Variants in CPEB1 observed in about 807,000 individuals in gnomAD.
CPEB1 encodes the protein cytoplasmic polyadenylation element-binding protein 1.
CPEB1 carries 7 observed loss-of-function variants against 65.8 expected under a neutral mutation model. The observed-to-expected ratio is 0.11, with a 90% confidence interval of 0.06 to 0.20. The LOEUF (loss-of-function observed/expected upper bound fraction) is 0.20. Ranked by LOEUF, CPEB1 falls within the 10% of genes least tolerant of loss-of-function variation. CPEB1 has a pLI of 1.00. For synonymous variants in CPEB1, 262 were observed against 260.0 expected, an observed-to-expected ratio of 1.01 and a Z score of -0.08; for missense variants, 551 against 712.2, an observed-to-expected ratio of 0.77 and a Z score of 2.58.
At chr15:82,593,060 G>A (rs989570960) in intron 3 of CPEB1, among the ~76,000 whole-genome samples, 1 of 152,158 alleles carries the variant, frequency 6.6e-6, no homozygotes, top group Admixed American at 6.6e-5. Flanking sequence ...CTTATTGCTG[G>A]TGGAGGGGTC....
chr15:82,562,410 C>T (rs1220709189), intron 4 of CPEB1: 4 of 307,970 alleles, frequency 1.3e-5, no homozygotes, highest in Non-Finnish European at 2.6e-5. Context: ...AAAAGATCCC[C>T]AGGAGATGTG....
chr15:82,623,519 T>C (rs1186784792), intron 3 of CPEB1, among the ~76,000 whole-genome samples: 2 of 152,118 alleles, frequency 1.3e-5, no homozygotes, highest in Non-Finnish European at 2.9e-5. Flanking sequence ...TCTCTACTAA[T>C]ACAAAAATTA....
chr15:82,628,247 G>T (rs1255875594), intron 2 of CPEB1, 117 bp downstream of exon 2: 1 of 702,862 alleles, frequency 1.4e-6, no homozygotes, highest in South Asian at 1.5e-5. Flanking sequence ...TGACTTCACA[G>T]ATTTACCACA....
intron 8 of CPEB1, 39 bp from the exon 9 acceptor site, chr15:82,552,655 T>C: frequency 6.2e-7 from 1 of 1,610,322 alleles, no homozygotes; most frequent in Non-Finnish European, 8.5e-7. Flanking sequence ...TAATATCCCT[T>C]AGGTGGCCAC....
intron 3 of CPEB1, among the ~76,000 whole-genome samples, chr15:82,602,623 A>G (rs1451073495): frequency 1.3e-5 from 2 of 152,178 alleles, no homozygotes; most frequent in African/African-American, 4.8e-5. Context: ...AGGCGAATGG[A>G]TCACTTGAGG....
At chr15:82,628,053 C>T in intron 2 of CPEB1, 1 of 612,768 alleles carries the variant, frequency 1.6e-6, no homozygotes, top group Admixed American at 2.9e-5. Flanking sequence ...GCTCATTACA[C>T]ATGCTACTCT....
At chr15:82,620,591 A>C (rs770905545) in intron 3 of CPEB1, among the ~76,000 whole-genome samples, 37 of 152,128 alleles carry the variant, frequency 2.4e-4, no homozygotes, top group African/African-American at 8.5e-4. Context: ...TAAGCCCAAG[A>C]GTCCAAGACC....
At position 82,586,733 on chromosome 15, in the gene CPEB1, G is replaced by T. The variant is rs576521350; in HGVS notation, c.272-15201C>A. Among the ~76,000 whole-genome samples, 4 of 152,292 alleles carry T rather than the reference G, an allele frequency of 2.6e-5. 1 individual carries two copies. Among genetic ancestry groups the T allele is most frequent in the African/African-American group, 9.6e-5 (4 of 41,562 alleles). ...TGGTTTCACAGCTATTCTAAATTTA[G>T]ATTCACACATACAGTGCACATACAC... On this transcript the variant is annotated intron_variant, in intron 3 of 12. Coordinates refer to ENST00000684509, the MANE Select transcript of CPEB1 (RefSeq NM_001365242.1).
At position 82,618,466 on chromosome 15, in the gene CPEB1, T is replaced by C. The variant is rs568199617; in HGVS notation, c.271+8727A>G. Among the ~76,000 whole-genome samples the C allele has an allele frequency of 4.7e-4, 72 of 152,336 alleles. 1 individual carries two copies. The highest frequency in any genetic ancestry group is 1.6e-3 in the African/African-American group (65 of 41,586). On this transcript the variant is annotated intron_variant, in intron 3 of 12. Transcript: ENST00000684509. ...GCAAAATCAGACTTCCTGGTTCCTATAGCAAACTGGCAGTTGCCTAGATCC... is the reference window on the plus strand; with the variant it reads ...GCAAAATCAGACTTCCTGGTTCCTACAGCAAACTGGCAGTTGCCTAGATCC...
At chr15:82,580,319 T>TA (rs370232078) in intron 3 of CPEB1, among the ~76,000 whole-genome samples, 4,074 of 133,450 alleles carry the variant, frequency 0.031, 55 homozygotes, top group Non-Finnish European at 0.038. Flanking sequence ...GACTCTGTCT[T>TA]AAAAAAAAAA....
chr15:82,547,715 C>G (rs1316160877), intron 10 of CPEB1, among the ~76,000 whole-genome samples: 2 of 152,016 alleles, frequency 1.3e-5, no homozygotes, highest in Non-Finnish European at 2.9e-5. Context: ...CTCTGTCACT[C>G]AGGCTGGAGT....
At chr15:82,628,595 A>G (rs2151323706) in intron 1 of CPEB1, 39 bp from the exon 2 acceptor site, 2 of 600,834 alleles carry the variant, frequency 3.3e-6, no homozygotes, top group Admixed American at 6.3e-5. Context: ...TACCACATAG[A>G]AACATTTTTA....
chr15:82,631,625 G>C (rs1281893432), intron 1 of CPEB1, among the ~76,000 whole-genome samples: 1 of 152,078 alleles, frequency 6.6e-6, no homozygotes, highest in Non-Finnish European at 1.5e-5. Flanking sequence ...TTATTATTCA[G>C]AGGCCACCAC....
intron 3 of CPEB1, chr15:82,583,339 T>C (rs1222712760): frequency 6.6e-6 from 1 of 152,108 alleles, no homozygotes; most frequent in African/African-American, 2.4e-5. Flanking sequence ...GTAAAACTAG[T>C]ATAACCAAAA....
At chr15:82,606,206 G>A (rs1043254662) in intron 3 of CPEB1, among the ~76,000 whole-genome samples, 1 of 152,114 alleles carries the variant, frequency 6.6e-6, no homozygotes, top group Non-Finnish European at 1.5e-5. Flanking sequence ...GGTGGCTCAC[G>A]CCTGTAATCC....
At chr15:82,645,303 C>A (rs911877308) in intron 1 of CPEB1, among the ~76,000 whole-genome samples, 4 of 152,162 alleles carry the variant, frequency 2.6e-5, no homozygotes, top group Non-Finnish European at 5.9e-5. Context: ...TAGGCGCCCA[C>A]CACCATGCCC....
chr15:82,544,758 G>GA lies in CPEB1; in HGVS notation c.1657-57dup, dbSNP rs1248358640. 6.8e-6 allele frequency: 9 copies of GA among 1,328,470 alleles called. No homozygotes were observed. In the East Asian group the frequency reaches 2.1e-4, roughly 31 times the overall value. The allele number at this position is 1,328,470 out of a possible 1,614,324, so 82.3% of individuals were successfully genotyped here. On this transcript the variant is annotated intron_variant, in intron 12 of 12. Transcript: ENST00000684509. ...ATGCCTGTGTCAGCACCAGACACAGGAGCTGTTGCACGAGCTGCTTGTTCT... is the reference window on the plus strand; with the variant it reads ...ATGCCTGTGTCAGCACCAGACACAGGAAGCTGTTGCACGAGCTGCTTGTTCT...
At chr15:82,631,117 C>T (rs2046209718) in intron 1 of CPEB1, among the ~76,000 whole-genome samples, 1 of 151,956 alleles carries the variant, frequency 6.6e-6, no homozygotes, top group African/African-American at 2.4e-5. Flanking sequence ...ACTTGGGAGT[C>T]TGGGAGAAAG....
At chr15:82,637,689 T>C (rs1484686662) in intron 1 of CPEB1, among the ~76,000 whole-genome samples, 14 of 152,200 alleles carry the variant, frequency 9.2e-5, no homozygotes, top group Admixed American at 5.9e-4. Context: ...TCCTGAGCCT[T>C]TTAAGACGTC....
Sources: gnomAD v4.1 joint callset for allele counts (sites outside exome capture counted in the v4.1 genomes callset) on GRCh38, gnomAD v4.1.1 for gene constraint, MANE v1.5 for transcripts, NCBI Gene and HGNC (gene_info 2026-07-23, HGNC 2026-07-21) for gene names.